The following RIMS2 variants were observed in gnomAD, a reference collection of about 807,000 sequenced individuals.
RIMS2 encodes the protein regulating synaptic membrane exocytosis 2.
Under a neutral mutation model 174.4 loss-of-function variants are expected in RIMS2, and 59 were observed. The observed-to-expected ratio is 0.34, with a 90% CI of 0.27 to 0.42. The LOEUF is 0.42. RIMS2 is among the 10% of genes least tolerant of loss of function. The pLI, the probability that RIMS2 is intolerant of heterozygous loss-of-function variation, is 1.00. For missense variants in RIMS2, 1,620 were observed against 1,666.3 expected, an observed-to-expected ratio of 0.97 and a Z score of 0.48; for synonymous variants, 606 against 572.5, an observed-to-expected ratio of 1.06 and a Z score of -0.84.
chr8:103,902,514 G>A (rs1269172657), intron 4 of RIMS2, among the ~76,000 whole-genome samples: 3 of 152,082 alleles, frequency 2.0e-5, no homozygotes, highest in African/African-American at 7.2e-5. Context: ...CAACTCCATG[G>A]AACATAGTTT....
intron 4 of RIMS2, among the ~76,000 whole-genome samples, chr8:103,896,740 G>C (rs902756859): frequency 6.6e-6 from 1 of 151,502 alleles, no homozygotes; most frequent in African/African-American, 2.4e-5. Context: ...TTGCACATCT[G>C]GCACCTTAGC....
intron 19 of RIMS2, chr8:104,223,827 T>G: frequency 1.9e-6 from 3 of 1,562,612 alleles, no homozygotes; most frequent in Non-Finnish European, 2.6e-6. Context: ...TTGGTGTCTC[T>G]ATCTGTTTAG....
intron 2 of RIMS2, among the ~76,000 whole-genome samples, chr8:103,735,139 G>A (rs13254156): frequency 0.12 from 17,658 of 152,144 alleles, 1,359 homozygotes; most frequent in Non-Finnish European, 0.17. Context: ...TCTTCTCACT[G>A]CTCTGTTAGT....
chr8:103,665,580 T>C (rs538676291), intron 1 of RIMS2, among the ~76,000 whole-genome samples: 1 of 152,362 alleles, frequency 6.6e-6, no homozygotes, highest in East Asian at 1.9e-4. Context: ...CAACATTGTC[T>C]TACTGATTTC....
intron 19 of RIMS2, among the ~76,000 whole-genome samples, chr8:104,196,141 A>C (rs550365004): frequency 6.6e-6 from 1 of 152,276 alleles, no homozygotes; most frequent in Non-Finnish European, 1.5e-5. Context: ...TTTTCTACCA[A>C]GAGCAGACCA....
chr8:103,583,495 A>G lies in RIMS2; in HGVS notation c.176+82433A>G, dbSNP rs73287105. 9.1e-4 allele frequency among the ~76,000 whole-genome samples: 139 copies of G among 152,308 alleles called. 1 individual carries two copies. The highest frequency in any genetic ancestry group is 3.0e-3 in the African/African-American group (125 of 41,570). On this transcript the variant is annotated intron_variant, in intron 1 of 23. Transcript: ENST00000504942. ...AATATATGTGACATTTCAGACACAA[A>G]ATTTAAAATAGTTGTGTTGAGGAAA...
intron 1 of RIMS2, 31 bp from the exon 3 acceptor site, chr8:103,652,593 A>T (rs780194578): frequency 8.7e-7 from 1 of 1,152,214 alleles, no homozygotes; most frequent in Non-Finnish European, 1.2e-6. Flanking sequence ...TCATTTGGTT[A>T]TTCAGTCACA....
At chr8:103,882,116 C>A (rs1373057349) in intron 3 of RIMS2, among the ~76,000 whole-genome samples, 1 of 151,276 alleles carries the variant, frequency 6.6e-6, no homozygotes, top group Non-Finnish European at 1.5e-5. Context: ...CTGCTAAATG[C>A]CTTATGGTTC....
rs563560840 is a variant in RIMS2 at position 104,223,866 on chromosome 8, G to A, written c.3335-21050G>A. 2.2e-5 allele frequency: 28 copies of A among 1,290,952 alleles called. No homozygotes were observed. The African/African-American group carries it at 3.7e-4, about 17-fold the overall frequency. 80.0% of individuals were successfully genotyped at this position (1,290,952 alleles called of 1,614,324 possible). On this transcript the variant is annotated intron_variant, in intron 19 of 23. Coordinates refer to ENST00000504942, the Ensembl canonical transcript of RIMS2. ...GTCGGTGGCTGGAGGGTTGGCCGGG[G>A]CAGAGAGAACTCCACGTAGCAGTGT...
At chr8:103,971,628 G>A (rs1014456583) in intron 15 of RIMS2, among the ~76,000 whole-genome samples, 2 of 151,486 alleles carry the variant, frequency 1.3e-5, no homozygotes, top group Non-Finnish European at 2.9e-5. Flanking sequence ...CTGGAGTGTA[G>A]TGGTGTGATC....
intron 19 of RIMS2, among the ~76,000 whole-genome samples, chr8:104,156,912 T>C (rs1269865367): frequency 6.6e-6 from 1 of 152,148 alleles, no homozygotes; most frequent in Non-Finnish European, 1.5e-5. Flanking sequence ...TACAGTAATA[T>C]CTGTGGAAAC....
intron 2 of RIMS2, among the ~76,000 whole-genome samples, chr8:103,745,085 A>G (rs1260199435): frequency 6.6e-6 from 1 of 152,212 alleles, no homozygotes; most frequent in Non-Finnish European, 1.5e-5. Flanking sequence ...GGTTTTTAGT[A>G]CATTAACAGT....
At chr8:103,518,121 AT>A (rs1201258147) in intron 1 of RIMS2, among the ~76,000 whole-genome samples, 5 of 152,136 alleles carry the variant, frequency 3.3e-5, no homozygotes, top group Non-Finnish European at 7.4e-5. Flanking sequence ...AATGACTCTC[AT>A]TTTAATTATG....
chr8:104,218,700 C>T (rs1437728358), intron 19 of RIMS2, among the ~76,000 whole-genome samples: 6 of 152,044 alleles, frequency 3.9e-5, no homozygotes, highest in South Asian at 2.1e-4. Context: ...AGATCCCTCA[C>T]GTGTGCATTT....
chr8:104,069,463 C>CTTTTTTT (rs71297250), intron 19 of RIMS2, among the ~76,000 whole-genome samples: 24 of 91,966 alleles, frequency 2.6e-4, no homozygotes, highest in South Asian at 4.1e-4. Flanking sequence ...ATTAATTGTT[C>CTTTTTTT]TTTTTTTTTT....
intron 19 of RIMS2, among the ~76,000 whole-genome samples, chr8:104,047,923 G>A (rs1243849778): frequency 1.3e-5 from 2 of 152,140 alleles, no homozygotes; most frequent in Non-Finnish European, 2.9e-5. Flanking sequence ...CTGCCAGTCA[G>A]TAGGGATATG....
intron 19 of RIMS2, among the ~76,000 whole-genome samples, chr8:104,070,236 GTC>G (rs1312473163): frequency 6.6e-6 from 1 of 152,094 alleles, no homozygotes; most frequent in Non-Finnish European, 1.5e-5. Flanking sequence ...TAAACTACCA[GTC>G]TCTTCCCCAG....
At chr8:103,885,954 A>G (rs993007613) in exon 4 of RIMS2, 6 of 1,613,050 alleles carry the variant, frequency 3.7e-6, no homozygotes, top group Non-Finnish European at 5.1e-6. Context: ...AGGCGTACTG[A>G]CTCACTACGG....
chr8:103,612,563 G>T (rs2095406808), intron 1 of RIMS2, among the ~76,000 whole-genome samples: 1 of 151,956 alleles, frequency 6.6e-6, no homozygotes, highest in South Asian at 2.1e-4. Flanking sequence ...TTACTAGACA[G>T]AGACTCTTGT....
Sources: allele counts gnomAD v4.1 joint callset (sites outside exome capture counted in the v4.1 genomes callset), GRCh38; gene constraint gnomAD v4.1.1; transcripts MANE v1.5; gene names NCBI Gene and HGNC (gene_info 2026-07-23, HGNC 2026-07-21).